Variants in GCDH observed in about 807,000 individuals in gnomAD.
GCDH encodes the protein glutaryl-CoA dehydrogenase.
In GCDH, 31 loss-of-function variants were observed where a neutral mutation model predicts 52.8. That is an observed-to-expected ratio of 0.59 (90% confidence interval 0.44 to 0.79). The LOEUF is 0.79. GCDH is among the 30% of genes least tolerant of loss of function. The pLI is 0.00. For missense variants in GCDH, 509 were observed against 595.0 expected (o/e 0.86, Z 1.50); for synonymous variants, 242 against 250.0 (o/e 0.97, Z 0.30).
rs1305712372 is a variant in GCDH at position 12,896,343 on chromosome 19, C to T, written c.774C>T (p.Ala258=). The T allele has an allele frequency of 6.2e-7, 1 of 1,614,160 alleles. No homozygotes were observed. Among genetic ancestry groups the T allele is most frequent in the Non-Finnish European group, 8.5e-7 (1 of 1,180,038 alleles). The change falls in exon 8 of 12, where the codon GCC becomes GCT. Residue 258 remains alanine, a synonymous_variant. Transcript: ENST00000222214. The surrounding 1 kb of genome is among the most constrained non-coding windows in gnomAD (Gnocchi z 5.5). The part of the protein sequence containing the change: ...PRIQGKFSLR[A]SATGMIIMDG... ...TCCAGGGCAAGTTCTCGCTGCGGGC[C>T]TCAGCCACAGGCATGATCATCATGG...
At chr19:12,891,426 G>A (rs752521726) in intron 2 of GCDH, 31 bp downstream of exon 2, 3 of 1,614,080 alleles carry the variant, frequency 1.9e-6, no homozygotes, top group Admixed American at 3.3e-5. Context: ...GTGGAGGGAA[G>A]GAGGGAGGAA....
Position 12,891,366 on chromosome 19 carries a change from G to A in GCDH, c.62G>A (p.Arg21His). 2 of 1,613,870 alleles carry A rather than the reference G, an allele frequency of 1.2e-6. No individual in the cohort carries two copies. The highest frequency in any genetic ancestry group is 2.2e-5 in the South Asian group (2 of 91,080). The change falls in exon 2 of 12, where the codon CGC (arginine) becomes CAC (histidine). Residue 21 changes from arginine to histidine, a missense_variant. Physicochemically the swap from Arg to His is conservative, Grantham distance 29. Coordinates refer to ENST00000222214, the MANE Select transcript of GCDH (RefSeq NM_000159.4). ...CGCGGACCCGGCCTGCACGTCCTTC[G>A]CACGTGGGTCTCGTCGGCGGCGCAG... ...LSRGPGLHVL[R>H]TWVSSAAQTE...
intron 11 of GCDH, chr19:12,899,056 CTG>C (rs1970767287): frequency 2.1e-6 from 1 of 478,266 alleles, no homozygotes; most frequent in South Asian, 2.2e-5. Context: ...CTTTCAGCCT[CTG>C]TGGCAAGGAA....
At position 12,899,478 on chromosome 19, in the gene GCDH, C is replaced by T; in HGVS notation, c.1254C>T (p.Asp418=). Residue 418 remains aspartate, a synonymous_variant, in exon 12 of 12, where the codon GAC becomes GAT. Transcript: ENST00000222214. ...EAVNTYEGTH[D]IHALILGRAI... is the part of the protein sequence containing the mutation. ...ATTAATCTTGTCCAGGTACACATGA[C>T]ATTCACGCCCTGATCCTTGGGAGAG... The T allele has an allele frequency of 6.2e-7, 1 of 1,614,214 alleles. No homozygotes were observed. Among genetic ancestry groups the T allele is most frequent in the Non-Finnish European group, 8.5e-7 (1 of 1,180,018 alleles).
At chr19:12,898,846 A>G (rs963678960) in intron 11 of GCDH, 11 of 177,358 alleles carry the variant, frequency 6.2e-5, no homozygotes, top group Admixed American at 3.2e-4. Flanking sequence ...AGGAGGCTAC[A>G]ATCTGCCTTC....
At position 12,891,438 on chromosome 19, in the gene GCDH, T is replaced by C. The variant is rs373149331; in HGVS notation, c.91+43T>C. The C allele has an allele frequency of 1.7e-5, 27 of 1,614,048 alleles. No individual in the cohort carries two copies. The African/African-American group carries it at 3.1e-4, about 18-fold the overall frequency. ...AGTGTGGAGGGAAGGAGGGAGGAAC[T>C]GGGGGTTTAGGGACTTTCCGGGGTG... On this transcript the variant is annotated intron_variant, in intron 2 of 11. Transcript: ENST00000222214.
Position 12,891,915 on chromosome 19 carries a change from TCCGCACCTA to T in GCDH, c.214_222del (p.Arg72_Tyr74del). 1 of 1,614,202 alleles carries T rather than the reference TCCGCACCTA, an allele frequency of 6.2e-7. No individual in the cohort carries two copies. Among genetic ancestry groups the T allele is most frequent in the Non-Finnish European group, 8.5e-7 (1 of 1,180,020 alleles). On this transcript the variant is annotated inframe_deletion, in exon 4 of 12. Transcript: ENST00000222214. ...GATGAGATCCTCATCAGGGACACCTTCCGCACCTACTGCCAGGAGAGACTCATGCCTCGC... is the reference window on the plus strand; with the variant it reads ...GATGAGATCCTCATCAGGGACACCTTCTGCCAGGAGAGACTCATGCCTCGC...
chr19:12,892,690 A>T (rs879322089), intron 5 of GCDH, among the ~76,000 whole-genome samples: 1 of 146,584 alleles, frequency 6.8e-6, no homozygotes, highest in African/African-American at 2.5e-5. Context: ...TTAAGTGATT[A>T]TCCTGCCTCA....
At chr19:12,892,705 C>T (rs1334791396) in intron 5 of GCDH, among the ~76,000 whole-genome samples, 1 of 151,652 alleles carries the variant, frequency 6.6e-6, no homozygotes, top group African/African-American at 2.4e-5. Flanking sequence ...GCCTCAGGCT[C>T]CCGAGTAGCT....
chr19:12,896,358 G>A lies in GCDH; in HGVS notation c.789G>A (p.Met263Ile). Reference protein sequence around the residue: ...KFSLRASATGMIIMDGVEVPE... With the variant: ...KFSLRASATGIIIMDGVEVPE... ...CGCTGCGGGCCTCAGCCACAGGCATGATCATCATGGACGGTGTGGAGGTGC... is the reference window on the plus strand; with the variant it reads ...CGCTGCGGGCCTCAGCCACAGGCATAATCATCATGGACGGTGTGGAGGTGC... Residue 263 changes from methionine to isoleucine, a missense_variant, in exon 8 of 12, where the codon ATG becomes ATA. Physicochemically the swap from Met to Ile is conservative, Grantham distance 10. Transcript: ENST00000222214. This position sits in a 1 kb window ranked among gnomAD's most constrained non-coding sequence, Gnocchi z 5.5. 1 of 1,614,182 alleles carries A rather than the reference G, an allele frequency of 6.2e-7. No individual in the cohort carries two copies. Among genetic ancestry groups the A allele is most frequent in the Non-Finnish European group, 8.5e-7 (1 of 1,180,024 alleles).
chr19:12,896,354 G>A lies in GCDH; in HGVS notation c.785G>A (p.Gly262Asp). 1 of 1,614,158 alleles carries A rather than the reference G, an allele frequency of 6.2e-7. No homozygotes were observed. The highest frequency in any genetic ancestry group is 8.5e-7 in the Non-Finnish European group (1 of 1,180,020). Reference sequence around the variant, plus strand: ...TTCTCGCTGCGGGCCTCAGCCACAGGCATGATCATCATGGACGGTGTGGAG... The same window carrying A: ...TTCTCGCTGCGGGCCTCAGCCACAGACATGATCATCATGGACGGTGTGGAG... ...GKFSLRASAT[G>D]MIIMDGVEVP... The change falls in exon 8 of 12, where the codon GGC becomes GAC. Residue 262 changes from glycine (G) to aspartate (D), a missense_variant. By Grantham distance (94) the Gly-to-Asp change is moderately conservative. Transcript: ENST00000222214. This position sits in a 1 kb window ranked among gnomAD's most constrained non-coding sequence, Gnocchi z 5.5.
rs759176685 is a variant in GCDH at position 12,897,355 on chromosome 19, G to T, written c.1009G>T (p.Ala337Ser). The change falls in exon 10 of 12, where the codon GCA (alanine) becomes TCA (serine). Residue 337 changes from alanine to serine, a missense_variant. Ala to Ser is a moderately conservative substitution (Grantham distance 99). Transcript: ENST00000222214. Reference protein sequence around the residue: ...ARNQLIQKKLADMLTEITLGL... With the variant: ...ARNQLIQKKLSDMLTEITLGL... The stretch of plus-strand genomic sequence containing the variant: ...GAACCAGCTGATTCAGAAGAAGCTG[G>T]CAGACATGCTCACTGAGATTACCCT... 1.2e-6 allele frequency: 2 copies of T among 1,613,810 alleles called. No individual in the cohort carries two copies. Among genetic ancestry groups the T allele is most frequent in the South Asian group, 1.1e-5 (1 of 91,080 alleles).
rs779863704 is a variant in GCDH at position 12,896,957 on chromosome 19, C to T, written c.900C>T (p.Gly300=). 1.6e-5 allele frequency: 26 copies of T among 1,613,002 alleles called. No homozygotes were observed. In the East Asian group the frequency reaches 1.8e-4, roughly 11 times the overall value. Residue 300 remains glycine (G), a synonymous_variant, in exon 9 of 12, where the codon GGC becomes GGT. Transcript: ENST00000222214. This position sits in a 1 kb window ranked among gnomAD's most constrained non-coding sequence, Gnocchi z 5.5. ...LNNARYGIAW[G]VLGASEFCLH... is the part of the protein sequence containing the mutation. ...ACGCCCGGTACGGCATCGCGTGGGG[C>T]GTGCTTGGAGCTTCGGAGTTCTGCT...
At chr19:12,892,879 C>CTT (rs1044140707) in intron 5 of GCDH, among the ~76,000 whole-genome samples, 2,466 of 130,760 alleles carry the variant, frequency 0.019, 34 homozygotes, top group Middle Eastern at 0.054. Context: ...CGGCCCTTTT[C>CTT]TTTTTTTTTT....
Position 12,896,293 on chromosome 19 carries a change from A to G in GCDH, c.724A>G (p.Met242Val). ...TCGGGGCTTCCTGCTGGAGAAGGGG[A>G]TGCGGGGTCTCTCGGCCCCCAGGAT... is the stretch of plus-strand genomic sequence containing the variant. ...CIRGFLLEKG[M>V]RGLSAPRIQG... is the part of the protein sequence containing the mutation. The change falls in exon 8 of 12, where the codon ATG (methionine) becomes GTG (valine). Residue 242 changes from methionine to valine, a missense_variant. Met to Val is a conservative substitution (Grantham distance 21). Transcript: ENST00000222214. This position sits in a 1 kb window ranked among gnomAD's most constrained non-coding sequence, Gnocchi z 5.5. 6.2e-7 allele frequency: 1 copy of G among 1,613,856 alleles called. No homozygotes were observed. The highest frequency in any genetic ancestry group is 1.6e-4 in the Middle Eastern group (1 of 6,062).
chr19:12,895,546 C>T (rs1970652187), intron 6 of GCDH, among the ~76,000 whole-genome samples: 1 of 151,880 alleles, frequency 6.6e-6, no homozygotes, highest in Non-Finnish European at 1.5e-5. Context: ...CATGTGTGAG[C>T]CACCTCGACT....
rs542715838 is a variant in GCDH at position 12,891,246 on chromosome 19, C to G, written c.-34-25C>G. ...CCCCAGCCGTGGGTGAGAGGAGCTC[C>G]GCTCTGACACCCCCGCTCCTGTAGG... On this transcript the variant is annotated intron_variant, in intron 1 of 11. Coordinates refer to ENST00000222214, the MANE Select transcript of GCDH (RefSeq NM_000159.4). 2.1e-6 allele frequency: 3 copies of G among 1,429,174 alleles called. No individual in the cohort carries two copies. In the African/African-American group the frequency reaches 4.2e-5, roughly 20 times the overall value. The allele number at this position is 1,429,174 out of a possible 1,614,324, so 88.5% of individuals were successfully genotyped here.
At chr19:12,897,938 C>A in intron 11 of GCDH, 75 bp downstream of exon 11, 4 of 1,295,838 alleles carry the variant, frequency 3.1e-6, no homozygotes, top group South Asian at 1.2e-5. Context: ...GGGACGGGGA[C>A]AGGTCTGAGT....
Position 12,899,603 on chromosome 19 carries a change from G to A in GCDH, c.*62G>A, listed in dbSNP as rs371513457. 46 of 1,613,536 alleles carry A rather than the reference G, an allele frequency of 2.9e-5. No individual in the cohort carries two copies. The Admixed American group carries it at 5.7e-4, about 20-fold the overall frequency. On this transcript the variant is annotated 3_prime_UTR_variant, in exon 12 of 12. Coordinates refer to ENST00000222214, the MANE Select transcript of GCDH (RefSeq NM_000159.4). ...TTCTGGAGAGATGCCTGGCTGGACC[G>A]TAGGAGCGCTGTGCTCTGAGCTTAG...
Sources: gnomAD v4.1 joint callset for allele counts (sites outside exome capture counted in the v4.1 genomes callset) on GRCh38, gnomAD v4.1.1 for gene constraint, Gnocchi (gnomAD v3.1) non-coding constraint, MANE v1.5 for transcripts, NCBI Gene and HGNC (gene_info 2026-07-23, HGNC 2026-07-21) for gene names.